Variants in PARG observed in about 807,000 individuals in gnomAD.
PARG encodes the protein poly(ADP-ribose) glycohydrolase.
A neutral mutation model predicts 113.0 loss-of-function variants in PARG; 35 were observed. The ratio of observed to expected loss-of-function variants is 0.31; its 90% CI spans 0.24 to 0.41. The LOEUF (loss-of-function observed/expected upper bound fraction) is 0.41. Ranked by LOEUF, PARG falls within the 10% of genes least tolerant of loss-of-function variation. The pLI is 1.00. For synonymous variants in PARG, 330 were observed against 409.9 expected (o/e 0.81, Z 2.36); for missense variants, 797 against 1,169.4 (o/e 0.68, Z 4.64).
intron 11 of PARG, among the ~76,000 whole-genome samples, chr10:49,864,618 TG>T (rs1554836506): frequency 7.8e-6 from 1 of 128,942 alleles, no homozygotes; most frequent in Non-Finnish European, 1.6e-5. Context: ...TTAAGTGTCC[TG>T]GGGGACTTGC....
At position 49,843,918 on chromosome 10, in the gene PARG, G is replaced by A. The variant is rs77133568; in HGVS notation, c.2354-286C>T. ...CTCATGCCTGTAATCCCAGAGGCGGGTGGATTACCTAAAGTCAGAAGTTCA... is the reference window on the plus strand; with the variant it reads ...CTCATGCCTGTAATCCCAGAGGCGGATGGATTACCTAAAGTCAGAAGTTCA... On this transcript the variant is annotated intron_variant, in intron 13 of 17. Transcript: ENST00000616448. Among the ~76,000 whole-genome samples, 2,647 of 152,218 alleles carry A rather than the reference G, an allele frequency of 0.017. 256 individuals carry two copies. The East Asian group carries it at 0.3, about 17-fold the overall frequency.
In PARG at chr10:49,832,918, A is replaced by G; in HGVS notation, c.2542-10T>C. 1 of 1,473,230 alleles carries G rather than the reference A, an allele frequency of 6.8e-7. No homozygotes were observed. Among genetic ancestry groups the G allele is most frequent in the Non-Finnish European group, 9.3e-7 (1 of 1,077,562 alleles). 91.3% of individuals were successfully genotyped at this position (1,473,230 alleles called of 1,614,324 possible). A position where few individuals can be genotyped will look rare whatever the true frequency, so the allele number is the denominator to read the frequency against. ...GAAATCCACAGTAAGCCTGCAGGAT[A>G]AAAGAATTATCAAAGCCTGTGAGTG... On this transcript the variant is annotated splice_polypyrimidine_tract_variant and intron_variant, in intron 15 of 17. Transcript: ENST00000616448.
At chr10:49,916,328 T>G (rs1270431421) in intron 6 of PARG, among the ~76,000 whole-genome samples, 2 of 152,278 alleles carry the variant, frequency 1.3e-5, no homozygotes, top group African/African-American at 4.8e-5. Flanking sequence ...ATCACAATTG[T>G]TGGTGGTCCT....
chr10:49,893,816 C>A (rs1847932651), intron 7 of PARG, among the ~76,000 whole-genome samples: 1 of 151,972 alleles, frequency 6.6e-6, no homozygotes, highest in Admixed American at 6.6e-5. Context: ...GCCTCAGGCT[C>A]CCGAGCAGCT....
intron 11 of PARG, among the ~76,000 whole-genome samples, chr10:49,862,086 C>CGTGTGT (rs35142553): frequency 0.053 from 7,454 of 141,974 alleles, 276 homozygotes; most frequent in African/African-American, 0.096. Context: ...GTTTCATAAC[C>CGTGTGT]GTGTGTGTGT....
chr10:49,837,862 T>A (rs1371750798), intron 15 of PARG, among the ~76,000 whole-genome samples: 1 of 152,216 alleles, frequency 6.6e-6, no homozygotes, highest in African/African-American at 2.4e-5. Flanking sequence ...TAGGCTCTAT[T>A]ACACTCGAGG....
At chr10:49,837,745 C>A (rs1201848225) in intron 15 of PARG, among the ~76,000 whole-genome samples, 2 of 152,148 alleles carry the variant, frequency 1.3e-5, no homozygotes, top group East Asian at 3.8e-4. Context: ...TAAAATAACA[C>A]ATTTTTTGGA....
intron 1 of PARG, among the ~76,000 whole-genome samples, chr10:49,939,796 C>T (rs1238371359): frequency 4.6e-5 from 7 of 152,222 alleles, no homozygotes; most frequent in South Asian, 2.1e-4. Flanking sequence ...TCTTCCTCAT[C>T]CTTCAAGGCC....
At chr10:49,831,089 G>GGA (rs1300748499) in intron 16 of PARG, among the ~76,000 whole-genome samples, 3 of 152,134 alleles carry the variant, frequency 2.0e-5, no homozygotes, top group African/African-American at 7.2e-5. Flanking sequence ...TCTAAAAGGA[G>GGA]GAGGCTGGAG....
chr10:49,918,498 A>G (rs143519714), intron 6 of PARG, among the ~76,000 whole-genome samples: 366 of 152,332 alleles, frequency 2.4e-3, no homozygotes, highest in East Asian at 0.019. Flanking sequence ...CAACGACTGA[A>G]TAAGTTCTTT....
chr10:49,920,463 A>AAAAAATATATATAT (rs1431747248), intron 6 of PARG, among the ~76,000 whole-genome samples: 3 of 47,988 alleles, frequency 6.3e-5, no homozygotes, highest in African/African-American at 1.5e-4. Context: ...AAAAAAAAAA[A>AAAAAATATATATAT]ATATATATAT....
rs1185316692 is a variant in PARG at position 49,881,955 on chromosome 10, T to C, written c.1831-2125A>G. On this transcript the variant is annotated intron_variant, in intron 8 of 17. Coordinates refer to ENST00000616448, the MANE Select transcript of PARG (RefSeq NM_003631.5). ...TTTAGAAAAGGTGACAGTGCATCAA[T>C]GGCTTCAAGCAAAGTGCTGCTTGGT... is the stretch of plus-strand genomic sequence containing the variant. Among the ~76,000 whole-genome samples, 4 of 152,310 alleles carry C rather than the reference T, an allele frequency of 2.6e-5. No individual in the cohort carries two copies. The East Asian group carries it at 5.8e-4, about 22-fold the overall frequency.
rs559846717 is a variant in PARG, at chr10:49,826,880, G to A, written c.2647+5923C>T. Among the ~76,000 whole-genome samples the A allele has an allele frequency of 5.9e-5, 9 of 152,306 alleles. No homozygotes were observed. In the East Asian group the frequency reaches 1.7e-3, roughly 29 times the overall value. On this transcript the variant is annotated intron_variant, in intron 16 of 17. Coordinates refer to ENST00000616448, the MANE Select transcript of PARG (RefSeq NM_003631.5). ...TTGGTCCTGGTTCCTGTCAGGCAGA[G>A]ATAATCTGATGGAGACAGATGAAAA... is the stretch of plus-strand genomic sequence containing the variant.
intron 7 of PARG, among the ~76,000 whole-genome samples, chr10:49,899,313 G>A (rs548023937): frequency 4.2e-4 from 64 of 152,234 alleles, no homozygotes; most frequent in Non-Finnish European, 6.5e-4. Context: ...ACTAAATTAC[G>A]TAAGGGTAAA....
chr10:49,852,297 G>A (rs528192264), intron 13 of PARG, among the ~76,000 whole-genome samples: 1 of 152,150 alleles, frequency 6.6e-6, no homozygotes, highest in Non-Finnish European at 1.5e-5. Flanking sequence ...CACCCCATAT[G>A]TCCTTAGCCT....
At chr10:49,844,845 T>C (rs1271747676) in intron 13 of PARG, among the ~76,000 whole-genome samples, 2 of 151,950 alleles carry the variant, frequency 1.3e-5, no homozygotes, top group African/African-American at 2.4e-5. Flanking sequence ...TATTTGCAAA[T>C]CAAATATCTG....
chr10:49,824,415 TA>T (rs1844251167), intron 16 of PARG, among the ~76,000 whole-genome samples: 1 of 152,170 alleles, frequency 6.6e-6, no homozygotes, highest in Non-Finnish European at 1.5e-5. Context: ...AAGTATGATA[TA>T]AAAACATCGA....
intron 15 of PARG, among the ~76,000 whole-genome samples, chr10:49,836,975 A>G (rs1185564620): frequency 6.6e-6 from 1 of 152,206 alleles, no homozygotes; most frequent in African/African-American, 2.4e-5. Flanking sequence ...CTTCTCTTGC[A>G]GTGCTATTTG....
At chr10:49,828,869 T>G (rs189281119) in intron 16 of PARG, among the ~76,000 whole-genome samples, 1 of 152,208 alleles carries the variant, frequency 6.6e-6, no homozygotes, top group East Asian at 1.9e-4. Flanking sequence ...AATGAGACCC[T>G]GTATCTTACA....
Sources: allele counts gnomAD v4.1 joint callset (sites outside exome capture counted in the v4.1 genomes callset), GRCh38; gene constraint gnomAD v4.1.1; transcripts MANE v1.5; gene names NCBI Gene and HGNC (gene_info 2026-07-23, HGNC 2026-07-21).